Variants in MCTP2 observed in about 807,000 individuals in gnomAD.
MCTP2 encodes multiple C2 and transmembrane domain-containing protein 2.
A neutral mutation model predicts 111.6 loss-of-function variants in MCTP2; 132 were observed. The observed-to-expected ratio is 1.18, with a 90% CI of 1.03 to 1.37. The LOEUF (loss-of-function observed/expected upper bound fraction) is 1.37. Among genes scored for constraint, MCTP2 ranks in the 40% most tolerant of loss-of-function variants. The pLI is 0.00. For synonymous variants in MCTP2, 395 were observed against 387.7 expected (o/e 1.02, Z -0.22); for missense variants, 1,183 against 1,067.9 (o/e 1.11, Z -1.50).
intron 17 of MCTP2, among the ~76,000 whole-genome samples, chr15:94,433,386 G>T (rs2083294266): frequency 2.0e-5 from 3 of 152,062 alleles, no homozygotes; most frequent in Admixed American, 2.0e-4. Flanking sequence ...GAACATATTG[G>T]GAAGACATGC....
Position 94,431,897 on chromosome 15 carries a change from A to T in MCTP2, c.2086-8279A>T, listed in dbSNP as rs546706522. Among the ~76,000 whole-genome samples the T allele has an allele frequency of 8.5e-5, 13 of 152,292 alleles. No homozygotes were observed. The South Asian group carries it at 2.7e-3, about 32-fold the overall frequency. ...TATCTTTATTATGACAAATGAGTTGATGTACACAGTATTCTGAAAGTGTCT... is the reference window on the plus strand; with the variant it reads ...TATCTTTATTATGACAAATGAGTTGTTGTACACAGTATTCTGAAAGTGTCT... On this transcript the variant is annotated intron_variant, in intron 17 of 22. Coordinates refer to ENST00000357742, the MANE Select transcript of MCTP2 (RefSeq NM_001385001.1).
chr15:94,293,173 A>G (rs1019187703), intron 1 of MCTP2, among the ~76,000 whole-genome samples: 1 of 152,144 alleles, frequency 6.6e-6, no homozygotes, highest in Non-Finnish European at 1.5e-5. Flanking sequence ...CATGACACCA[A>G]AAGTATATAA....
chr15:94,391,345 G>GGTTCAA (rs2080964859), intron 14 of MCTP2, among the ~76,000 whole-genome samples: 1 of 152,096 alleles, frequency 6.6e-6, no homozygotes, highest in African/African-American at 2.4e-5. Context: ...AACAGTCATA[G>GGTTCAA]GTTGTTTTAG....
chr15:94,445,436 A>G (rs1457135890), intron 19 of MCTP2, among the ~76,000 whole-genome samples: 1 of 152,050 alleles, frequency 6.6e-6, no homozygotes, highest in Non-Finnish European at 1.5e-5. Flanking sequence ...GCTTAACACA[A>G]CCCTTCTATT....
At chr15:94,399,371 T>C (rs527600853) in intron 15 of MCTP2, among the ~76,000 whole-genome samples, 1 of 152,310 alleles carries the variant, frequency 6.6e-6, no homozygotes, top group African/African-American at 2.4e-5. Flanking sequence ...GAGAAGGACT[T>C]GAATCTGATT....
chr15:94,255,989 T>C (rs1047631136), intron 1 of MCTP2, among the ~76,000 whole-genome samples: 1 of 152,232 alleles, frequency 6.6e-6, no homozygotes, highest in Non-Finnish European at 1.5e-5. Flanking sequence ...TAAAAACTTT[T>C]GTCTTTTCCT....
intron 4 of MCTP2, among the ~76,000 whole-genome samples, chr15:94,323,014 G>A (rs74028544): frequency 0.061 from 9,304 of 152,292 alleles, 537 homozygotes; most frequent in East Asian, 0.15. Context: ...GAGAGGCTGG[G>A]AAATAGGCTT....
chr15:94,241,387 T>G (rs951383421), intron 1 of MCTP2, among the ~76,000 whole-genome samples: 3 of 152,168 alleles, frequency 2.0e-5, no homozygotes, highest in Non-Finnish European at 4.4e-5. Context: ...AACTATTTTC[T>G]AATGCAAATT....
chr15:94,252,193 A>G (rs1295960792), intron 1 of MCTP2, among the ~76,000 whole-genome samples: 1 of 152,190 alleles, frequency 6.6e-6, no homozygotes, highest in Non-Finnish European at 1.5e-5. Context: ...GAACTGCTAC[A>G]TCATTTTTCC....
rs578160089 is a variant in MCTP2, at chr15:94,241,158, G to A, written c.-66+9494G>A. Among the ~76,000 whole-genome samples, 38 of 152,186 alleles carry A rather than the reference G, an allele frequency of 2.5e-4. No homozygotes were observed. In the South Asian group the frequency reaches 3.9e-3, roughly 16 times the overall value. ...GATCCTTTAGTTTCATGTAGAGTCG[G>A]TGGCTTTCTAGGATGTGAGAGCAAA... On this transcript the variant is annotated intron_variant, in intron 1 of 22. Transcript: ENST00000357742.
At chr15:94,234,171 C>T (rs2070382395) in intron 1 of MCTP2, among the ~76,000 whole-genome samples, 1 of 151,950 alleles carries the variant, frequency 6.6e-6, no homozygotes, top group African/African-American at 2.4e-5. Context: ...CATGGGGAAC[C>T]AGGGTGGGTG....
intron 17 of MCTP2, among the ~76,000 whole-genome samples, chr15:94,411,839 C>G (rs2082165153): frequency 6.6e-6 from 1 of 152,106 alleles, no homozygotes; most frequent in South Asian, 2.1e-4. Context: ...ACTGACTGTT[C>G]TAGTCTCCCT....
At position 94,319,789 on chromosome 15, in the gene MCTP2, C is replaced by T. The variant is rs74028526; in HGVS notation, c.637+4152C>T. ...GGAATATAATTTAATTTAGTATTAA[C>T]CCAATTAAAACAGGTTTAAGAAACT... On this transcript the variant is annotated intron_variant, in intron 4 of 22. Coordinates refer to ENST00000357742, the MANE Select transcript of MCTP2 (RefSeq NM_001385001.1). 2.7e-3 allele frequency among the ~76,000 whole-genome samples: 416 copies of T among 152,252 alleles called. 5 individuals carry two copies. Among genetic ancestry groups the T allele is most frequent in the African/African-American group, 9.5e-3 (394 of 41,536 alleles).
intron 2 of MCTP2, among the ~76,000 whole-genome samples, chr15:94,305,530 G>GGT (rs1254756365): frequency 6.6e-6 from 1 of 151,960 alleles, no homozygotes; most frequent in Non-Finnish European, 1.5e-5. Context: ...CCTTTTTATA[G>GGT]GTGTGTGTGT....
At chr15:94,371,939 A>C (rs1482557525) in intron 12 of MCTP2, among the ~76,000 whole-genome samples, 1 of 152,232 alleles carries the variant, frequency 6.6e-6, no homozygotes, top group Admixed American at 6.5e-5. Flanking sequence ...GTTTTTATAA[A>C]GATTGTTTCA....
intron 4 of MCTP2, among the ~76,000 whole-genome samples, chr15:94,326,430 T>G (rs2076874074): frequency 6.6e-6 from 1 of 152,192 alleles, no homozygotes; most frequent in Admixed American, 6.5e-5. Flanking sequence ...TTTTTTGTGT[T>G]ATATGATCTG....
chr15:94,327,797 C>G (rs1439976828), intron 4 of MCTP2, among the ~76,000 whole-genome samples: 1 of 152,196 alleles, frequency 6.6e-6, no homozygotes, highest in South Asian at 2.1e-4. Context: ...TCCCAACAGT[C>G]TTTAATGTAT....
Position 94,345,159 on chromosome 15 carries a change from A to G in MCTP2, c.1000A>G (p.Ser334Gly). 1 of 1,612,340 alleles carries G rather than the reference A, an allele frequency of 6.2e-7. No homozygotes were observed. The highest frequency in any genetic ancestry group is 8.5e-7 in the Non-Finnish European group (1 of 1,178,872). Residue 334 changes from serine to glycine, a missense_variant, in exon 8 of 23, where the codon AGC (serine) becomes GGC (glycine). Transcript: ENST00000357742. Reference sequence around the variant, plus strand: ...GTCAAATCGGAAGCGATTAAGTGCCAGCAAGGTAAATATACTTTTTTTTCC... The same window carrying G: ...GTCAAATCGGAAGCGATTAAGTGCCGGCAAGGTAAATATACTTTTTTTTCC... ...RWSNRKRLSASKSSLIRNLRL... is the reference protein window; with the variant it reads ...RWSNRKRLSAGKSSLIRNLRL...
chr15:94,360,486 C>T (rs908418911), intron 10 of MCTP2, among the ~76,000 whole-genome samples: 4 of 152,100 alleles, frequency 2.6e-5, no homozygotes, highest in East Asian at 3.9e-4. Flanking sequence ...TTGTGCTAGC[C>T]GAAAGAGCAA....
Sources: allele counts gnomAD v4.1 joint callset (sites outside exome capture counted in the v4.1 genomes callset), GRCh38; gene constraint gnomAD v4.1.1; transcripts MANE v1.5; gene names NCBI Gene and HGNC (gene_info 2026-07-23, HGNC 2026-07-21).